EPS8: variants seen among roughly 807,000 people sequenced by gnomAD.
EPS8 encodes EGFR pathway substrate 8, signaling adaptor, also known as epidermal growth factor receptor kinase substrate 8.
A neutral mutation model predicts 103.8 loss-of-function variants in EPS8; 42 were observed. The ratio of observed to expected loss-of-function variants is 0.40; its 90% CI spans 0.32 to 0.52. The LOEUF (loss-of-function observed/expected upper bound fraction) is 0.52. Among genes scored for constraint, EPS8 ranks in the 20% least tolerant of loss-of-function variants. EPS8 has a pLI of 0.40. For synonymous variants in EPS8, 344 were observed against 344.6 expected (o/e 1.00, Z 0.02); for missense variants, 969 against 1,005.1 (o/e 0.96, Z 0.49).
intron 1 of EPS8, among the ~76,000 whole-genome samples, chr12:15,740,894 G>T (rs1946814348): frequency 6.6e-6 from 1 of 152,182 alleles, no homozygotes; most frequent in African/African-American, 2.4e-5. Context: ...TACGTGGATT[G>T]GTAATGATAG....
At position 15,719,601 on chromosome 12, in the gene EPS8, A is replaced by G. The variant is rs147163476; in HGVS notation, c.-21-36629T>C. Among the ~76,000 whole-genome samples the G allele has an allele frequency of 1.5e-3, 233 of 152,336 alleles. 5 individuals carry two copies. In the East Asian group the frequency reaches 0.042, roughly 27 times the overall value. On this transcript the variant is annotated intron_variant, in intron 1 of 20. Coordinates refer to ENST00000281172, the MANE Select transcript of EPS8 (RefSeq NM_004447.6). Reference sequence around the variant, plus strand: ...ACATTAAATTGCCAGAGGACATATCAGTTTTTAAAACGGTTTAATTTCTTT... The same window carrying G: ...ACATTAAATTGCCAGAGGACATATCGGTTTTTAAAACGGTTTAATTTCTTT...
At chr12:15,662,183 A>G in intron 8 of EPS8, 84 bp from the exon 9 acceptor site, 2 of 1,562,408 alleles carry the variant, frequency 1.3e-6, no homozygotes, top group East Asian at 2.2e-5. Flanking sequence ...AATTAGTTAA[A>G]AAGGAGGACC....
intron 6 of EPS8, among the ~76,000 whole-genome samples, chr12:15,668,194 A>C (rs1565489977): frequency 6.6e-6 from 1 of 152,188 alleles, no homozygotes. Context: ...AATATCACTT[A>C]CACAAATTAC....
chr12:15,658,443 T>A, intron 11 of EPS8, 54 bp downstream of exon 11: 1 of 1,192,374 alleles, frequency 8.4e-7, no homozygotes, highest in Non-Finnish European at 1.2e-6. Flanking sequence ...CCTGACTAGA[T>A]TTTCACCTTT....
chr12:15,718,159 C>T (rs925457342), intron 1 of EPS8, among the ~76,000 whole-genome samples: 1 of 152,212 alleles, frequency 6.6e-6, no homozygotes, highest in African/African-American at 2.4e-5. Flanking sequence ...CTCTCAGCCT[C>T]TGCTTCCTCA....
chr12:15,705,948 C>G (rs1946380883), intron 1 of EPS8, among the ~76,000 whole-genome samples: 1 of 152,134 alleles, frequency 6.6e-6, no homozygotes, highest in Admixed American at 6.5e-5. Context: ...AAAACATACA[C>G]AAGTATCATT....
At chr12:15,654,354 T>G in intron 12 of EPS8, 61 bp from the exon 13 acceptor site, 1 of 1,520,926 alleles carries the variant, frequency 6.6e-7, no homozygotes, top group Admixed American at 1.8e-5. Flanking sequence ...TTTCAAAATG[T>G]GTGGACAAAA....
rs1947223981 is a variant in EPS8, at chr12:15,777,994, A to G, written c.-22+11167T>C. On this transcript the variant is annotated intron_variant, in intron 1 of 20. Coordinates refer to ENST00000281172, the MANE Select transcript of EPS8 (RefSeq NM_004447.6). This position sits in a 1 kb window ranked among gnomAD's most constrained non-coding sequence, Gnocchi z 4.7. ...TAAGAAATGTAAAAAAATTAAAATAACATAGAAAGAAATATGCTTTAAACA... is the reference window on the plus strand; with the variant it reads ...TAAGAAATGTAAAAAAATTAAAATAGCATAGAAAGAAATATGCTTTAAACA... 6.6e-6 allele frequency among the ~76,000 whole-genome samples: 1 copy of G among 152,252 alleles called. No homozygotes were observed. The highest frequency in any genetic ancestry group is 6.5e-5 in the Admixed American group (1 of 15,282).
intron 15 of EPS8, among the ~76,000 whole-genome samples, chr12:15,645,803 A>G (rs1945310060): frequency 1.3e-5 from 2 of 152,162 alleles, no homozygotes; most frequent in Non-Finnish European, 2.9e-5. Flanking sequence ...TGACCACAGT[A>G]TGCTAAATGT....
At chr12:15,710,038 C>T (rs114983341) in intron 1 of EPS8, among the ~76,000 whole-genome samples, 259 of 152,082 alleles carry the variant, frequency 1.7e-3, no homozygotes, top group African/African-American at 6.0e-3. Context: ...TTCTGCTGTG[C>T]GGCCCAGTTC....
At chr12:15,661,927 A>G (rs1591830485) in intron 9 of EPS8, 99 bp downstream of exon 9, 1 of 875,132 alleles carries the variant, frequency 1.1e-6, no homozygotes, top group South Asian at 1.7e-5. Flanking sequence ...CATGGTTTCC[A>G]TAAAATATCT....
At chr12:15,723,316 A>AAT (rs1290836890) in intron 1 of EPS8, among the ~76,000 whole-genome samples, 2 of 152,002 alleles carry the variant, frequency 1.3e-5, no homozygotes, top group East Asian at 1.9e-4. Context: ...GTCTCAAAAA[A>AAT]ATATATATAT....
chr12:15,724,219 A>G (rs1591897809), intron 1 of EPS8, among the ~76,000 whole-genome samples: 1 of 152,202 alleles, frequency 6.6e-6, no homozygotes, highest in East Asian at 1.9e-4. Context: ...TCTTCTTTCA[A>G]AGACTTCAAC....
intron 1 of EPS8, among the ~76,000 whole-genome samples, chr12:15,773,019 T>C (rs1323033322): frequency 1.3e-5 from 2 of 152,156 alleles, no homozygotes; most frequent in African/African-American, 2.4e-5. Flanking sequence ...CAGACCACAG[T>C]GGGCTCGCTG....
At chr12:15,692,649 T>C (rs1380599134) in intron 1 of EPS8, among the ~76,000 whole-genome samples, 2 of 152,048 alleles carry the variant, frequency 1.3e-5, no homozygotes, top group African/African-American at 2.4e-5. Flanking sequence ...TATATACTTT[T>C]CCTTTTTCTA....
At chr12:15,630,909 G>C (rs1171645046) in intron 18 of EPS8, among the ~76,000 whole-genome samples, 2 of 152,168 alleles carry the variant, frequency 1.3e-5, no homozygotes, top group East Asian at 3.9e-4. Flanking sequence ...TTAGACATCA[G>C]TAGCATCCCC....
intron 7 of EPS8, among the ~76,000 whole-genome samples, 158 bp from the exon 8 acceptor site, chr12:15,666,050 G>C (rs1007553787): frequency 6.6e-6 from 1 of 152,188 alleles, no homozygotes; most frequent in African/African-American, 2.4e-5. Flanking sequence ...ATTTATGAAT[G>C]CATATGAAAT....
rs765383370 is a variant in EPS8, at chr12:15,623,232, C to T, written c.2281G>A (p.Asp761Asn). 2.4e-5 allele frequency: 38 copies of T among 1,613,110 alleles called. No homozygotes were observed. The South Asian group carries it at 4.0e-4, about 17-fold the overall frequency. The change falls in exon 20 of 21, where the codon GAT (aspartate) becomes AAT (asparagine). Residue 761 changes from aspartate (D) to asparagine (N), a missense_variant. Physicochemically the swap from Asp to Asn is conservative, Grantham distance 23 (BLOSUM62 1). Transcript: ENST00000281172. ...NGAQLFSLNKDELRTVCPEGA... is the reference protein window; with the variant it reads ...NGAQLFSLNKNELRTVCPEGA... ...TCAGGGCAGACTGTCCTCAGTTCAT[C>T]CTTATTGAGAGAGAAAAGTTGTGCA...
At chr12:15,646,589 G>A (rs150905534) in intron 15 of EPS8, among the ~76,000 whole-genome samples, 143 of 152,184 alleles carry the variant, frequency 9.4e-4, no homozygotes, top group African/African-American at 3.4e-3. Flanking sequence ...AATTTTTTAA[G>A]AGTGAAGATA....
Sources: allele counts gnomAD v4.1 joint callset (sites outside exome capture counted in the v4.1 genomes callset), GRCh38; gene constraint gnomAD v4.1.1; non-coding constraint Gnocchi (gnomAD v3.1); transcripts MANE v1.5; gene names NCBI Gene and HGNC (gene_info 2026-07-23, HGNC 2026-07-21).